BLNK: variants seen among roughly 807,000 people sequenced by gnomAD.
BLNK encodes B-cell linker protein.
BLNK carries 29 observed loss-of-function variants against 73.5 expected under a neutral mutation model. The ratio of observed to expected loss-of-function variants is 0.39; its 90% CI spans 0.29 to 0.54. BLNK has a LOEUF of 0.54. Ranked by LOEUF, BLNK falls within the 20% of genes least tolerant of loss-of-function variation. The pLI is 0.61. For missense variants in BLNK, 460 were observed against 562.8 expected (o/e 0.82, Z 1.85); for synonymous variants, 176 against 200.8 (o/e 0.88, Z 1.04).
At position 96,254,020 on chromosome 10, in the gene BLNK, C is replaced by CA. The variant is rs200034436; in HGVS notation, c.48-6972dup. Among the ~76,000 whole-genome samples the CA allele has an allele frequency of 8.0e-3, 965 of 120,922 alleles. 11 individuals carry two copies. Among genetic ancestry groups the CA allele is most frequent in the African/African-American group, 0.027 (848 of 31,928 alleles). The allele number at this position is 120,922 out of a possible 152,430, so 79.3% of individuals were successfully genotyped here. On this transcript the variant is annotated intron_variant, in intron 1 of 16. Coordinates refer to ENST00000224337, the MANE Select transcript of BLNK (RefSeq NM_013314.4). ...TGGGCGACAGAGCAAGACTCTGTCT[C>CA]AAAAAAAATAAAAAAAATTAAAAAA...
intron 11 of BLNK, among the ~76,000 whole-genome samples, chr10:96,205,665 A>AGAT (rs2083781110): frequency 6.6e-6 from 1 of 152,206 alleles, no homozygotes; most frequent in African/African-American, 2.4e-5. Flanking sequence ...TGCCTCCGCC[A>AGAT]TCCTGATTCC....
chr10:96,247,121 C>G, intron 1 of BLNK, 72 bp from the exon 2 acceptor site: 1 of 1,060,244 alleles, frequency 9.4e-7, no homozygotes, highest in Non-Finnish European at 1.4e-6. Context: ...TCCTACTCTT[C>G]TCGAATACAA....
chr10:96,248,825 A>G (rs1179757478), intron 1 of BLNK, among the ~76,000 whole-genome samples: 4 of 152,212 alleles, frequency 2.6e-5, no homozygotes, highest in Admixed American at 2.6e-4. Flanking sequence ...ATACATCTAT[A>G]TTGTTGCCTG....
intron 1 of BLNK, among the ~76,000 whole-genome samples, chr10:96,256,457 C>T (rs1447257524): frequency 6.6e-6 from 1 of 152,066 alleles, no homozygotes; most frequent in Non-Finnish European, 1.5e-5. Context: ...AGTTGACTTC[C>T]TCCTTTTTTA....
chr10:96,224,084 G>GTT, intron 5 of BLNK, 95 bp from the exon 6 acceptor site: 2 of 1,425,626 alleles, frequency 1.4e-6, no homozygotes, highest in Non-Finnish European at 2.0e-6. Flanking sequence ...AAAACCACGG[G>GTT]TGTCTATGTA....
chr10:96,226,365 C>T (rs1842258885), intron 5 of BLNK, among the ~76,000 whole-genome samples: 2 of 152,152 alleles, frequency 1.3e-5, no homozygotes. Context: ...TACTTTCATT[C>T]AGTGAAGCAA....
At chr10:96,195,398 T>G (rs1192043586) in intron 16 of BLNK, among the ~76,000 whole-genome samples, 1 of 152,028 alleles carries the variant, frequency 6.6e-6, no homozygotes, top group African/African-American at 2.4e-5. Flanking sequence ...AGCCAAGAGG[T>G]AGAAGCAACA....
rs2083302269 is a variant in BLNK at position 96,189,918 on chromosome 10, A to T, written c.*2055T>A. The T allele has an allele frequency of 4.0e-6, 4 of 998,092 alleles. No individual in the cohort carries two copies. In the Admixed American group the frequency reaches 6.8e-5, roughly 17 times the overall value. The allele number at this position is 998,092 out of a possible 1,614,324, so 61.8% of individuals were successfully genotyped here. A position where few individuals can be genotyped will look rare whatever the true frequency, so the allele number is the denominator to read the frequency against. On this transcript the variant is annotated 3_prime_UTR_variant, in exon 17 of 17. Coordinates refer to ENST00000224337, the MANE Select transcript of BLNK (RefSeq NM_013314.4). ...TGCACTGGCCCTGAACCACACTTCAACCATAAAAGCACTGGTGGTGTTATT... is the reference window on the plus strand; with the variant it reads ...TGCACTGGCCCTGAACCACACTTCATCCATAAAAGCACTGGTGGTGTTATT...
intron 6 of BLNK, among the ~76,000 whole-genome samples, chr10:96,221,806 C>T (rs2084202530): frequency 1.3e-5 from 2 of 152,202 alleles, no homozygotes; most frequent in Admixed American, 6.5e-5. Context: ...CCTATTCCCA[C>T]CCTTGAAAGG....
chr10:96,229,500 T>G (rs1554903534), intron 4 of BLNK, among the ~76,000 whole-genome samples: 1 of 152,198 alleles, frequency 6.6e-6, no homozygotes, highest in African/African-American at 2.4e-5. Flanking sequence ...TTTGGTTGTC[T>G]GATTTTGGGG....
chr10:96,255,534 G>A (rs1189885806), intron 1 of BLNK, among the ~76,000 whole-genome samples: 1 of 151,890 alleles, frequency 6.6e-6, no homozygotes, highest in South Asian at 2.1e-4. Flanking sequence ...GGAATGCAAA[G>A]TATTGCTAAT....
chr10:96,204,903 G>A (rs2083755454), intron 11 of BLNK: 1 of 390,270 alleles, frequency 2.6e-6, no homozygotes, highest in African/African-American at 2.1e-5. Context: ...GAAACTTTAA[G>A]TGTGTGAGTA....
chr10:96,209,693 C>T (rs1342280568), intron 9 of BLNK, 145 bp downstream of exon 9: 3 of 1,022,900 alleles, frequency 2.9e-6, no homozygotes, highest in Non-Finnish European at 4.6e-6. Flanking sequence ...ATGCCTGGCT[C>T]ATTTGATGTT....
chr10:96,229,273 T>C (rs1395215467), intron 4 of BLNK, among the ~76,000 whole-genome samples: 1 of 144,644 alleles, frequency 6.9e-6, no homozygotes, highest in Non-Finnish European at 1.5e-5. Flanking sequence ...GTAAACATCA[T>C]TCTACTGTCC....
chr10:96,216,658 T>C lies in BLNK; in HGVS notation c.602A>G (p.Glu201Gly). 6.2e-7 allele frequency: 1 copy of C among 1,614,082 alleles called. No homozygotes were observed. The highest frequency in any genetic ancestry group is 8.5e-7 in the Non-Finnish European group (1 of 1,179,944). Residue 201 changes from glutamate (E) to glycine (G), a missense_variant, in exon 7 of 17, where the codon GAA becomes GGA. Around this residue, in one of 3 missense-constraint regions of BLNK, gnomAD observed 233 missense variants for 232.1 expected, o/e 1.00. Coordinates refer to ENST00000224337, the MANE Select transcript of BLNK (RefSeq NM_013314.4). ...HPTESSSPPP[E>G]KAPMVNRSTK... is the part of the protein sequence containing the mutation. ...TTAAGGCGACAAACTCTTACCTTTT[T>C]CAGGTGGAGGTGAACTGCTTTCTGT...
chr10:96,206,511 A>G (rs2083811675), intron 11 of BLNK, among the ~76,000 whole-genome samples: 1 of 147,790 alleles, frequency 6.8e-6, no homozygotes, highest in African/African-American at 2.5e-5. Flanking sequence ...ATTATGCACC[A>G]CTGCACTCCA....
intron 1 of BLNK, among the ~76,000 whole-genome samples, chr10:96,270,155 T>G (rs1844208001): frequency 6.6e-6 from 1 of 152,204 alleles, no homozygotes; most frequent in Non-Finnish European, 1.5e-5. Context: ...AGCATGTTCT[T>G]GAAATGGTTG....
intron 1 of BLNK, among the ~76,000 whole-genome samples, chr10:96,267,599 T>C (rs998264119): frequency 2.0e-5 from 3 of 152,220 alleles, no homozygotes; most frequent in Non-Finnish European, 2.9e-5. Flanking sequence ...GTGAGACCCC[T>C]ACCAGGAAGA....
intron 1 of BLNK, among the ~76,000 whole-genome samples, chr10:96,261,030 A>C (rs1554912633): frequency 6.6e-6 from 1 of 152,030 alleles, no homozygotes; most frequent in African/African-American, 2.4e-5. Flanking sequence ...TTTTTTGTAG[A>C]GACAGGGTTT....
Sources: gnomAD v4.1 joint callset for allele counts (sites outside exome capture counted in the v4.1 genomes callset) on GRCh38, gnomAD v4.1.1 for gene constraint, gnomAD v4.1.1 regional missense constraint, MANE v1.5 for transcripts, NCBI Gene and HGNC (gene_info 2026-07-23, HGNC 2026-07-21) for gene names.